The following XPA variants were observed in gnomAD, a reference collection of about 807,000 sequenced individuals.
XPA encodes DNA repair protein complementing XP-A cells.
A neutral mutation model predicts 35.7 loss-of-function variants in XPA; 27 were observed. The observed-to-expected ratio is 0.76, with a 90% CI of 0.56 to 1.04. The LOEUF (loss-of-function observed/expected upper bound fraction) is 1.04. Among genes scored for constraint, XPA ranks in the 50% least tolerant of loss-of-function variants. The pLI is 0.00. For missense variants in XPA, 354 were observed against 342.7 expected, an observed-to-expected ratio of 1.03 and a Z score of -0.26; for synonymous variants, 133 against 118.4, an observed-to-expected ratio of 1.12 and a Z score of -0.80.
At chr9:97,658,091 T>G in the XPA span, among the ~76,000 whole-genome samples, 1 of 151,978 alleles carries the variant, frequency 6.6e-6, no homozygotes, top group Non-Finnish European at 1.5e-5. Context: ...ATATGGTATT[T>G]AGGAGCCAAG....
chr9:97,689,456 T>C (rs1321523279), intron 3 of XPA, 78 bp downstream of exon 3: 3 of 874,832 alleles, frequency 3.4e-6, no homozygotes, highest in Admixed American at 2.1e-5. Flanking sequence ...AAATATCAAA[T>C]CCAAACAGAT....
the XPA span, among the ~76,000 whole-genome samples, chr9:97,664,103 TAGG>T: frequency 1.3e-5 from 2 of 151,848 alleles, no homozygotes; most frequent in African/African-American, 4.8e-5. Context: ...TGCTTGAACC[TAGG>T]AGGTGGAGGT....
the XPA span, among the ~76,000 whole-genome samples, chr9:97,666,554 C>T: frequency 1.3e-5 from 2 of 152,082 alleles, no homozygotes; most frequent in African/African-American, 2.4e-5. Flanking sequence ...TCAGGGGGCT[C>T]GCCTGAATCT....
At chr9:97,662,207 A>G in the XPA span, 1 of 1,198,816 alleles carries the variant, frequency 8.3e-7, no homozygotes, top group Non-Finnish European at 1.2e-6. Context: ...CACCAGTGGT[A>G]TGGTAATTTT....
At chr9:97,683,362 C>A (rs1000235312) in intron 5 of XPA, among the ~76,000 whole-genome samples, 3 of 152,160 alleles carry the variant, frequency 2.0e-5, no homozygotes, top group Non-Finnish European at 4.4e-5. Flanking sequence ...AGAACTCTTT[C>A]CAAATCCTCT....
At chr9:97,661,166 C>A in the XPA span, 36 of 1,477,238 alleles carry the variant, frequency 2.4e-5, no homozygotes, top group Middle Eastern at 7.9e-4. Context: ...AGCAATATAT[C>A]TATATCTGTT....
rs750530020 is a variant in XPA, at chr9:97,675,422, G to T, written c.*17C>A. 1 of 1,611,134 alleles carries T rather than the reference G, an allele frequency of 6.2e-7. No homozygotes were observed. Among genetic ancestry groups the T allele is most frequent in the East Asian group, 2.2e-5 (1 of 44,836 alleles). On this transcript the variant is annotated 3_prime_UTR_variant, in exon 6 of 6. Coordinates refer to ENST00000375128, the MANE Select transcript of XPA (RefSeq NM_000380.4). The stretch of plus-strand genomic sequence containing the variant: ...TTAAATATAAAATTCTATAAAACAG[G>T]TCACTGAACTAAAAAATCACATTTT...
At chr9:97,663,301 G>A in the XPA span, among the ~76,000 whole-genome samples, 2 of 152,256 alleles carry the variant, frequency 1.3e-5, no homozygotes, top group South Asian at 4.1e-4. Flanking sequence ...GGTTTATCTA[G>A]TCTATCCAGT....
chr9:97,671,300 A>C (rs1828186721), downstream of XPA: 2 of 852,782 alleles, frequency 2.3e-6, no homozygotes, highest in Admixed American at 2.8e-5. Flanking sequence ...GTATCCTTTC[A>C]CTTCTTAAAG....
chr9:97,665,026 G>A, the XPA span, among the ~76,000 whole-genome samples: 29 of 152,272 alleles, frequency 1.9e-4, no homozygotes, highest in Middle Eastern at 3.4e-3. Flanking sequence ...TGAAGTTCAC[G>A]GACTTTACAG....
At chr9:97,689,813 AAAGG>A (rs1465439799) in intron 2 of XPA, among the ~76,000 whole-genome samples, 174 bp from the exon 3 acceptor site, 5 of 152,252 alleles carry the variant, frequency 3.3e-5, no homozygotes, top group African/African-American at 1.2e-4. Flanking sequence ...GGAAAAAAGA[AAAGG>A]AAGTAACATA....
At chr9:97,657,927 T>C in the XPA span, among the ~76,000 whole-genome samples, 1 of 93,148 alleles carries the variant, frequency 1.1e-5, no homozygotes, top group South Asian at 3.5e-4. Context: ...TATATATATA[T>C]TTTTTTTTTT....
intron 5 of XPA, chr9:97,682,084 AT>A: frequency 2.9e-6 from 1 of 346,256 alleles, no homozygotes; most frequent in Non-Finnish European, 5.7e-6. Flanking sequence ...CTATCTATCT[AT>A]CTATACACAC....
the XPA span, chr9:97,658,513 C>G: frequency 1.5e-6 from 1 of 685,688 alleles, no homozygotes. Context: ...ATTTTTTTTT[C>G]CCTTTCACTT....
chr9:97,682,360 G>A (rs762904452), intron 5 of XPA: 1 of 518,868 alleles, frequency 1.9e-6, no homozygotes, highest in African/African-American at 1.9e-5. Flanking sequence ...TAAGCTCCTT[G>A]TGTCTAATCT....
the XPA span, among the ~76,000 whole-genome samples, chr9:97,667,083 G>C: frequency 6.6e-6 from 1 of 152,162 alleles, no homozygotes; most frequent in African/African-American, 2.4e-5. Context: ...ACTGCATGAT[G>C]AACCAGTTCA....
the XPA span, among the ~76,000 whole-genome samples, chr9:97,661,244 A>G: frequency 6.6e-6 from 1 of 152,176 alleles, no homozygotes; most frequent in Non-Finnish European, 1.5e-5. Flanking sequence ...AGATCCTAAC[A>G]TTTCTGTGAT....
At chr9:97,656,136 T>C in the XPA span, 1 of 1,400,512 alleles carries the variant, frequency 7.1e-7, no homozygotes, top group African/African-American at 1.4e-5. Context: ...GATTTCTTTC[T>C]CTTCTCTGCA....
At chr9:97,662,502 A>G in the XPA span, among the ~76,000 whole-genome samples, 6,209 of 152,214 alleles carry the variant, frequency 0.041, 450 homozygotes, top group African/African-American at 0.14. Context: ...GAGTCACGCA[A>G]AGGTTGGCAT....
Sources: allele counts gnomAD v4.1 joint callset (sites outside exome capture counted in the v4.1 genomes callset), GRCh38; gene constraint gnomAD v4.1.1; transcripts MANE v1.5; gene names NCBI Gene and HGNC (gene_info 2026-07-23, HGNC 2026-07-21).